The following TMEFF2 variants were observed in gnomAD, a reference collection of about 807,000 sequenced individuals.
TMEFF2 encodes the protein tomoregulin-2.
A neutral mutation model predicts 53.8 loss-of-function variants in TMEFF2; 28 were observed. That is an observed-to-expected ratio of 0.52 (90% CI 0.39 to 0.71). The LOEUF (loss-of-function observed/expected upper bound fraction) is 0.71. Among genes scored for constraint, TMEFF2 ranks in the 30% least tolerant of loss-of-function variants. The pLI is 0.00. For missense variants in TMEFF2, 353 were observed against 455.2 expected (o/e 0.78, Z 2.04); for synonymous variants, 162 against 166.3 (o/e 0.97, Z 0.20).
At position 192,174,049 on chromosome 2, in the gene TMEFF2, C is replaced by T. The variant is rs182392110; in HGVS notation, c.439+5619G>A. Among the ~76,000 whole-genome samples, 3 of 151,826 alleles carry T rather than the reference C, an allele frequency of 2.0e-5. No homozygotes were observed. In the East Asian group the frequency reaches 5.8e-4, roughly 29 times the overall value. On this transcript the variant is annotated intron_variant, in intron 4 of 9. Transcript: ENST00000272771. ...TTTCACTGACAAAATAAGTGAATCT[C>T]CCAGGAAACTGAGAGCAAAAATCAA...
chr2:192,130,567 G>A (rs1252909725), intron 4 of TMEFF2, among the ~76,000 whole-genome samples: 1 of 152,076 alleles, frequency 6.6e-6, no homozygotes, highest in South Asian at 2.1e-4. Flanking sequence ...GATTAACCCT[G>A]TGAATTTCCT....
At chr2:192,162,953 C>A (rs1270851913) in intron 4 of TMEFF2, among the ~76,000 whole-genome samples, 1 of 152,264 alleles carries the variant, frequency 6.6e-6, no homozygotes, top group East Asian at 1.9e-4. Context: ...ACAAGCAGAG[C>A]TTAATTGTAG....
chr2:192,024,032 T>G (rs1686916322), intron 5 of TMEFF2, among the ~76,000 whole-genome samples: 1 of 152,200 alleles, frequency 6.6e-6, no homozygotes, highest in African/African-American at 2.4e-5. Context: ...TCACAGATAT[T>G]CCTTGTGACA....
intron 4 of TMEFF2, among the ~76,000 whole-genome samples, chr2:192,078,349 G>A (rs1317113267): frequency 3.9e-5 from 6 of 152,124 alleles, no homozygotes; most frequent in Non-Finnish European, 8.8e-5. Flanking sequence ...ATAAATAGTA[G>A]AAATTATTCT....
chr2:191,976,709 A>C (rs1325925067), intron 7 of TMEFF2, among the ~76,000 whole-genome samples: 2 of 152,214 alleles, frequency 1.3e-5, no homozygotes, highest in African/African-American at 4.8e-5. Flanking sequence ...GATGACTGGG[A>C]AGAGATAGGA....
At chr2:192,152,522 A>G (rs747144616) in intron 4 of TMEFF2, among the ~76,000 whole-genome samples, 8 of 152,012 alleles carry the variant, frequency 5.3e-5, no homozygotes, top group Non-Finnish European at 1.0e-4. Context: ...CCAAGGGGGC[A>G]CAGTCACATT....
rs573408819 is a variant in TMEFF2, at chr2:192,096,945, G to T, written c.440-39170C>A. Among the ~76,000 whole-genome samples, 8 of 151,756 alleles carry T rather than the reference G, an allele frequency of 5.3e-5. No individual in the cohort carries two copies. The South Asian group carries it at 1.7e-3, about 32-fold the overall frequency. ...TCTGCCACGGCCTCCCAAAGTGCTG[G>T]GATTACAGGCATGAGCCACCAGGCC... On this transcript the variant is annotated intron_variant, in intron 4 of 9. Coordinates refer to ENST00000272771, the MANE Select transcript of TMEFF2 (RefSeq NM_016192.4).
At chr2:192,071,693 ATC>A (rs1019706240) in intron 4 of TMEFF2, among the ~76,000 whole-genome samples, 1 of 151,882 alleles carries the variant, frequency 6.6e-6, no homozygotes, top group African/African-American at 2.4e-5. Flanking sequence ...ACTTTAAATC[ATC>A]TCTGTGCTAC....
intron 5 of TMEFF2, among the ~76,000 whole-genome samples, chr2:192,035,917 C>T (rs1325334146): frequency 1.3e-5 from 2 of 152,170 alleles, no homozygotes; most frequent in African/African-American, 4.8e-5. Context: ...TCAGCCTTAA[C>T]ATCTTCGTTT....
chr2:192,083,664 C>T (rs1688604625), intron 4 of TMEFF2, among the ~76,000 whole-genome samples: 1 of 151,218 alleles, frequency 6.6e-6, no homozygotes, highest in Admixed American at 6.6e-5. Flanking sequence ...GACAGCTCAT[C>T]AGCTTTCAAA....
At position 191,977,187 on chromosome 2, in the gene TMEFF2, A is replaced by G. The variant is rs149829251; in HGVS notation, c.746-20809T>C. On this transcript the variant is annotated intron_variant, in intron 7 of 9. Transcript: ENST00000272771. ...CAGAAGAGTATTCCATGCTGGACCA[A>G]TAGACACAAAAAACTTAGACGGGAG... Among the ~76,000 whole-genome samples, 319 of 152,378 alleles carry G rather than the reference A, an allele frequency of 2.1e-3. 2 individuals are homozygous for G. The highest frequency in any genetic ancestry group is 7.3e-3 in the African/African-American group (304 of 41,588).
At chr2:192,130,801 C>T (rs1034103974) in intron 4 of TMEFF2, among the ~76,000 whole-genome samples, 4 of 151,974 alleles carry the variant, frequency 2.6e-5, no homozygotes, top group African/African-American at 7.2e-5. Flanking sequence ...GTGGTCTCTT[C>T]ACACGGACAC....
rs545251472 is a variant in TMEFF2, at chr2:192,135,156, G to A, written c.439+44512C>T. Among the ~76,000 whole-genome samples the A allele has an allele frequency of 6.6e-5, 10 of 152,182 alleles. No homozygotes were observed. In the South Asian group the frequency reaches 1.0e-3, roughly 16 times the overall value. ...CTGTCTAGTCATACTCCTATTCTCC[G>A]TTCTCAACTATTCATATATGCCCTG... On this transcript the variant is annotated intron_variant, in intron 4 of 9. Transcript: ENST00000272771.
intron 8 of TMEFF2, among the ~76,000 whole-genome samples, chr2:191,954,989 G>C (rs1187307852): frequency 1.3e-5 from 2 of 151,882 alleles, no homozygotes; most frequent in East Asian, 3.9e-4. Context: ...CATCAGGAAG[G>C]GTTTAATAAT....
At chr2:192,025,096 G>A (rs747715964) in intron 5 of TMEFF2, among the ~76,000 whole-genome samples, 68 of 152,156 alleles carry the variant, frequency 4.5e-4, no homozygotes, top group Admixed American at 2.6e-3. Context: ...GTAATGATCC[G>A]AGGGAAATGC....
chr2:192,130,666 A>T (rs1360614102), intron 4 of TMEFF2, among the ~76,000 whole-genome samples: 1 of 148,568 alleles, frequency 6.7e-6, no homozygotes, highest in Non-Finnish European at 1.5e-5. Flanking sequence ...GTAATTTTCC[A>T]TTACCTTCCC....
chr2:191,991,247 G>A (rs1219934942), intron 7 of TMEFF2, among the ~76,000 whole-genome samples: 1 of 151,962 alleles, frequency 6.6e-6, no homozygotes, highest in Non-Finnish European at 1.5e-5. Flanking sequence ...AGATGACTTG[G>A]GTAGGAAAAA....
At chr2:192,030,184 G>T (rs1687093156) in intron 5 of TMEFF2, among the ~76,000 whole-genome samples, 1 of 152,142 alleles carries the variant, frequency 6.6e-6, no homozygotes, top group Non-Finnish European at 1.5e-5. Context: ...AGAGGATTTG[G>T]CAGACATTAT....
intron 4 of TMEFF2, among the ~76,000 whole-genome samples, chr2:192,069,984 GTGTGTATATATATATATATATATA>G (rs1327191506): frequency 2.9e-4 from 2 of 6,846 alleles, no homozygotes; most frequent in East Asian, 0.016. Context: ...GTGTGTGTGT[GTGTGTATATATATATATATATATA>G]TATATATATA....
Sources: allele counts gnomAD v4.1 joint callset (sites outside exome capture counted in the v4.1 genomes callset), GRCh38; gene constraint gnomAD v4.1.1; transcripts MANE v1.5; gene names NCBI Gene and HGNC (gene_info 2026-07-23, HGNC 2026-07-21).